The following MSH3 variants were observed in gnomAD, a reference collection of about 807,000 sequenced individuals.
MSH3 encodes DNA mismatch repair protein Msh3.
A neutral mutation model predicts 123.3 loss-of-function variants in MSH3; 106 were observed. The observed-to-expected ratio is 0.86, with a 90% CI of 0.73 to 1.01. The LOEUF (loss-of-function observed/expected upper bound fraction) is 1.01, where lower values mean the gene tolerates loss of function less well. Ranked by LOEUF, MSH3 falls within the 50% of genes least tolerant of loss-of-function variation. The pLI is 0.00. For missense variants in MSH3, 1,459 were observed against 1,347.6 expected (o/e 1.08, Z -1.29); for synonymous variants, 515 against 481.4 (o/e 1.07, Z -0.91).
chr5:80,858,321 T>C (rs1260401730), intron 21 of MSH3, among the ~76,000 whole-genome samples: 1 of 152,202 alleles, frequency 6.6e-6, no homozygotes, highest in African/African-American at 2.4e-5. Flanking sequence ...AGTGCTGGGA[T>C]TACAGGTGTG....
chr5:80,818,402 C>CAAAAAA lies in MSH3; in HGVS notation c.2813+4676_2813+4681dup, dbSNP rs71603566. Reference sequence around the variant, plus strand: ...TTTTTTAACAAATAAATAGCAATGACAAAAAAAAAAAAAAAAAAAAGGTGG... The same window carrying CAAAAAA: ...TTTTTTAACAAATAAATAGCAATGACAAAAAAAAAAAAAAAAAAAAAAAAAAGGTGG... On this transcript the variant is annotated intron_variant, in intron 20 of 23. Coordinates refer to ENST00000265081, the MANE Select transcript of MSH3 (RefSeq NM_002439.5). 5.2e-4 allele frequency among the ~76,000 whole-genome samples: 33 copies of CAAAAAA among 63,806 alleles called. 1 individual carries two copies. The highest frequency in any genetic ancestry group is 1.6e-3 in the East Asian group (3 of 1,848). 41.9% of individuals were successfully genotyped at this position (63,806 alleles called of 152,430 possible).
intron 10 of MSH3, among the ~76,000 whole-genome samples, chr5:80,735,669 C>T (rs1332618685): frequency 5.9e-5 from 9 of 151,626 alleles, no homozygotes; most frequent in East Asian, 2.0e-4. Flanking sequence ...CAAGCCTGGG[C>T]GACAGAGCGA....
At chr5:80,723,869 C>T in intron 8 of MSH3, among the ~76,000 whole-genome samples, 1 of 151,976 alleles carries the variant, frequency 6.6e-6, no homozygotes, top group Non-Finnish European at 1.5e-5. Flanking sequence ...CTCAAGTGAT[C>T]CTCCCACCTC....
chr5:80,832,725 A>G (rs1745440781), intron 20 of MSH3, among the ~76,000 whole-genome samples: 2 of 151,890 alleles, frequency 1.3e-5, no homozygotes, highest in Non-Finnish European at 2.9e-5. Context: ...GGTAAATTTT[A>G]TTATTTTTAT....
In MSH3 at chr5:80,699,437, A is replaced by T. The variant is rs141128855; in HGVS notation, c.1340+20344A>T. 3.0e-3 allele frequency among the ~76,000 whole-genome samples: 449 copies of T among 151,930 alleles called. 1 individual carries two copies. The highest frequency in any genetic ancestry group is 0.01 in the African/African-American group (428 of 41,432). On this transcript the variant is annotated intron_variant, in intron 8 of 23. Coordinates refer to ENST00000265081, the MANE Select transcript of MSH3 (RefSeq NM_002439.5). Reference sequence around the variant, plus strand: ...AGTTGGGTGTGGTGTCAGCACCTGTAATCCTAGCTACTTGGGAGGCTGAGG... The same window carrying T: ...AGTTGGGTGTGGTGTCAGCACCTGTTATCCTAGCTACTTGGGAGGCTGAGG...
chr5:80,828,822 C>T (rs1359000838), intron 20 of MSH3, among the ~76,000 whole-genome samples: 2 of 152,168 alleles, frequency 1.3e-5, no homozygotes, highest in African/African-American at 2.4e-5. Context: ...TTCCTAGATA[C>T]ACCAGTGTGA....
chr5:80,854,330 A>C lies in MSH3; in HGVS notation c.3000+14A>C. 2 of 1,607,126 alleles carry C rather than the reference A, an allele frequency of 1.2e-6. No individual in the cohort carries two copies. The highest frequency in any genetic ancestry group is 1.7e-6 in the Non-Finnish European group (2 of 1,174,154). The stretch of plus-strand genomic sequence containing the variant: ...TTCATCAGAGATGTAAGTATCCGGT[A>C]AACTGTATTTAAAAAGAAATTAATT... On this transcript the variant is annotated intron_variant, in intron 21 of 23. Transcript: ENST00000265081.
chr5:80,865,004 G>A, intron 22 of MSH3, 62 bp downstream of exon 22: 1 of 1,506,686 alleles, frequency 6.6e-7, no homozygotes, highest in South Asian at 1.1e-5. Context: ...CTCAAAGTTT[G>A]TTGGAACATG....
rs559456165 is a variant in MSH3, at chr5:80,675,513, G to C, written c.1173+385G>C. On this transcript the variant is annotated intron_variant, in intron 7 of 23. Transcript: ENST00000265081. Reference sequence around the variant, plus strand: ...CTTCACAAGCACAAGGCTAGCAGGAGAGAGAGTGAAGGGGGAAGTGCTACA... The same window carrying C: ...CTTCACAAGCACAAGGCTAGCAGGACAGAGAGTGAAGGGGGAAGTGCTACA... 3.9e-5 allele frequency among the ~76,000 whole-genome samples: 6 copies of C among 152,266 alleles called. No individual in the cohort carries two copies. In the South Asian group the frequency reaches 1.2e-3, roughly 32 times the overall value.
In MSH3 at chr5:80,672,312, T is replaced by C. The variant is rs1427176312; in HGVS notation, c.861T>C (p.Thr287=). ...ACTTTATGACAGCAAGTATACCTAC[T>C]CACAGACTGTTTGTTCATGTACGCC... is the stretch of plus-strand genomic sequence containing the variant. ...DHNFMTASIP[T]HRLFVHVRRL... Residue 287 remains threonine, a synonymous_variant, in exon 5 of 24, where the codon ACT becomes ACC. Transcript: ENST00000265081. The C allele has an allele frequency of 6.2e-7, 1 of 1,613,970 alleles. No homozygotes were observed. The highest frequency in any genetic ancestry group is 1.3e-5 in the African/African-American group (1 of 74,934).
chr5:80,750,321 T>C (rs1394416562), intron 12 of MSH3, among the ~76,000 whole-genome samples: 1 of 152,130 alleles, frequency 6.6e-6, no homozygotes, highest in Non-Finnish European at 1.5e-5. Flanking sequence ...GCATACTGTT[T>C]TACAAAGTGA....
intron 20 of MSH3, among the ~76,000 whole-genome samples, chr5:80,847,067 G>T (rs1282227772): frequency 6.6e-6 from 1 of 151,682 alleles, no homozygotes; most frequent in Non-Finnish European, 1.5e-5. Flanking sequence ...TTAATTTTTG[G>T]ATTTTTTTCT....
intron 21 of MSH3, among the ~76,000 whole-genome samples, chr5:80,855,063 A>G (rs1188563715): frequency 5.9e-5 from 9 of 151,878 alleles, no homozygotes; most frequent in Non-Finnish European, 1.5e-5. Flanking sequence ...CCTTTTTTTC[A>G]GGGTGCATTT....
chr5:80,709,207 ATATG>A (rs1364614026), intron 8 of MSH3, among the ~76,000 whole-genome samples: 18 of 117,096 alleles, frequency 1.5e-4, no homozygotes, highest in Non-Finnish European at 1.2e-4. Context: ...TATAAAATAG[ATATG>A]TGTGTGTGTG....
At chr5:80,747,823 C>G (rs1367410704) in intron 12 of MSH3, among the ~76,000 whole-genome samples, 1 of 152,206 alleles carries the variant, frequency 6.6e-6, no homozygotes, top group Non-Finnish European at 1.5e-5. Context: ...GAGCAGTATA[C>G]TGTACCATAT....
chr5:80,809,536 C>T (rs1011189797), intron 19 of MSH3, among the ~76,000 whole-genome samples: 4 of 152,014 alleles, frequency 2.6e-5, no homozygotes, highest in South Asian at 2.1e-4. Context: ...GATTTAAAAA[C>T]ATTTCTATTT....
intron 21 of MSH3, among the ~76,000 whole-genome samples, chr5:80,863,486 C>T (rs946370451): frequency 6.6e-6 from 1 of 151,954 alleles, no homozygotes; most frequent in Non-Finnish European, 1.5e-5. Flanking sequence ...CTGGCTAACA[C>T]GGTGAAACCC....
chr5:80,858,269 G>A (rs906806333), intron 21 of MSH3, among the ~76,000 whole-genome samples: 5 of 151,926 alleles, frequency 3.3e-5, no homozygotes, highest in East Asian at 1.9e-4. Context: ...GGCTGGTCTC[G>A]TATTCTTGGA....
At chr5:80,691,089 C>G (rs1026184078) in intron 8 of MSH3, among the ~76,000 whole-genome samples, 1 of 151,672 alleles carries the variant, frequency 6.6e-6, no homozygotes, top group Non-Finnish European at 1.5e-5. Flanking sequence ...TCAGATACTG[C>G]CCAGAAATAT....
Sources: allele counts gnomAD v4.1 joint callset (sites outside exome capture counted in the v4.1 genomes callset), GRCh38; gene constraint gnomAD v4.1.1; transcripts MANE v1.5; gene names NCBI Gene and HGNC (gene_info 2026-07-23, HGNC 2026-07-21).